VAPA: variants seen among roughly 807,000 people sequenced by gnomAD.
The protein encoded by VAPA is vesicle-associated membrane protein-associated protein A.
A neutral mutation model predicts 25.6 loss-of-function variants in VAPA; 6 were observed. The observed-to-expected ratio is 0.23, with a 90% CI of 0.13 to 0.46. The LOEUF (loss-of-function observed/expected upper bound fraction) is 0.46, where lower values mean the gene tolerates loss of function less well. VAPA is among the 20% of genes least tolerant of loss of function. The probability of loss-of-function intolerance (pLI) is 0.99; values close to 1 mark genes in which losing one functional copy is unlikely to be tolerated. For synonymous variants in VAPA, 112 were observed against 106.2 expected, an observed-to-expected ratio of 1.05 and a Z score of -0.34; for missense variants, 244 against 302.1, an observed-to-expected ratio of 0.81 and a Z score of 1.43.
At chr18:9,949,319 C>A (rs1211613105) in intron 4 of VAPA, 1 of 152,150 alleles carries the variant, frequency 6.6e-6, no homozygotes, top group Non-Finnish European at 1.5e-5. Flanking sequence ...TGCTGTTGTT[C>A]ATTAGAACCT....
At chr18:9,924,457 A>G (rs1295637441) in intron 1 of VAPA, among the ~76,000 whole-genome samples, 1 of 152,128 alleles carries the variant, frequency 6.6e-6, no homozygotes, top group Non-Finnish European at 1.5e-5. Context: ...TTGGTATGAA[A>G]TGTTGCAAAT....
chr18:9,950,838 T>C, intron 5 of VAPA: 1 of 379,946 alleles, frequency 2.6e-6, no homozygotes, highest in East Asian at 5.7e-5. Context: ...CTCATGTCCT[T>C]CCCATTTTGT....
rs1331304204 is a variant in VAPA at position 9,955,999 on chromosome 18, T to C, written c.*1788T>C. On this transcript the variant is annotated 3_prime_UTR_variant, in exon 6 of 6. Coordinates refer to ENST00000400000, the MANE Select transcript of VAPA (RefSeq NM_194434.3). ...GTAATTCCTTGGCTTAAAGCTCTTATATAATCAATATTATTGGTGGTAAAT... is the reference window on the plus strand; with the variant it reads ...GTAATTCCTTGGCTTAAAGCTCTTACATAATCAATATTATTGGTGGTAAAT... 2.6e-5 allele frequency: 4 copies of C among 152,252 alleles called. No homozygotes were observed. The highest frequency in any genetic ancestry group is 2.1e-4 in the South Asian group (1 of 4,832). The allele number at this position is 152,252 out of a possible 1,614,324, so 9.4% of individuals were successfully genotyped here.
chr18:9,950,668 G>C, intron 5 of VAPA, 100 bp downstream of exon 5: 1 of 1,329,680 alleles, frequency 7.5e-7, no homozygotes, highest in East Asian at 2.5e-5. Flanking sequence ...ATTTTTGCTT[G>C]GTCAGTTCTT....
At position 9,914,216 on chromosome 18, in the gene VAPA, C is replaced by A. The variant is rs756948473; in HGVS notation, c.-41C>A. 1.3e-6 allele frequency: 2 copies of A among 1,548,126 alleles called. No individual in the cohort carries two copies. Among genetic ancestry groups the A allele is most frequent in the Admixed American group, 1.9e-5 (1 of 53,626 alleles). ...TCGTCCCCCGCCCCCAGTCAGCAAACCGCCGCCGCGGGCGCGCCCCCGCTC... is the reference window on the plus strand; with the variant it reads ...TCGTCCCCCGCCCCCAGTCAGCAAAACGCCGCCGCGGGCGCGCCCCCGCTC... On this transcript the variant is annotated 5_prime_UTR_variant, in exon 1 of 6. Transcript: ENST00000400000.
At chr18:9,917,751 C>G (rs759232393) in intron 1 of VAPA, among the ~76,000 whole-genome samples, 5 of 151,944 alleles carry the variant, frequency 3.3e-5, no homozygotes, top group Admixed American at 6.6e-5. Context: ...TCTGAGGGAT[C>G]GAGGGACGTA....
At position 9,914,229 on chromosome 18, in the gene VAPA, C is replaced by G. The variant is rs1242738687; in HGVS notation, c.-28C>G. The G allele has an allele frequency of 6.4e-7, 1 of 1,563,150 alleles. No homozygotes were observed. The highest frequency in any genetic ancestry group is 2.6e-5 in the East Asian group (1 of 38,186). On this transcript the variant is annotated 5_prime_UTR_variant, in exon 1 of 6. Transcript: ENST00000400000. ...CCAGTCAGCAAACCGCCGCCGCGGG[C>G]GCGCCCCCGCTCTGCGCTGTCTCTC...
chr18:9,934,062 G>A (rs2069283696), intron 2 of VAPA, among the ~76,000 whole-genome samples: 1 of 152,124 alleles, frequency 6.6e-6, no homozygotes, highest in Non-Finnish European at 1.5e-5. Flanking sequence ...TACTGATTAC[G>A]CAAACATGCC....
chr18:9,935,090 G>A (rs1482939070), intron 2 of VAPA, among the ~76,000 whole-genome samples: 3 of 111,902 alleles, frequency 2.7e-5, no homozygotes, highest in African/African-American at 1.0e-4. Context: ...GCAAGACTCC[G>A]TCTCAAAAAA....
chr18:9,953,641 A>G (rs1290104378), intron 5 of VAPA, among the ~76,000 whole-genome samples: 2 of 152,144 alleles, frequency 1.3e-5, no homozygotes, highest in African/African-American at 2.4e-5. Flanking sequence ...GATGTAACTG[A>G]TTTTAAATAC....
intron 1 of VAPA, chr18:9,914,563 G>C: frequency 4.7e-6 from 1 of 213,268 alleles, no homozygotes; most frequent in Non-Finnish European, 9.1e-6. Flanking sequence ...CGGTGCGCGC[G>C]CCGGCCGGGG....
At position 9,914,241 on chromosome 18, in the gene VAPA, C is replaced by T. The variant is rs573723992; in HGVS notation, c.-16C>T. The T allele has an allele frequency of 6.3e-6, 10 of 1,575,570 alleles. No homozygotes were observed. In the South Asian group the frequency reaches 6.9e-5, roughly 11 times the overall value. On this transcript the variant is annotated 5_prime_UTR_variant, in exon 1 of 6. Coordinates refer to ENST00000400000, the MANE Select transcript of VAPA (RefSeq NM_194434.3). ...CCGCCGCCGCGGGCGCGCCCCCGCT[C>T]TGCGCTGTCTCTCCGATGGCGTCCG... is the stretch of plus-strand genomic sequence containing the variant.
intron 4 of VAPA, among the ~76,000 whole-genome samples, chr18:9,937,289 G>C (rs1368510012): frequency 6.9e-6 from 1 of 144,070 alleles, no homozygotes; most frequent in African/African-American, 2.6e-5. Context: ...TTTAGGTCAA[G>C]ACTGCATCCT....
intron 1 of VAPA, among the ~76,000 whole-genome samples, chr18:9,922,121 T>C (rs2069161856): frequency 6.6e-6 from 1 of 152,074 alleles, no homozygotes. Context: ...CATGCCACTG[T>C]GCCCAGCTAA....
intron 2 of VAPA, among the ~76,000 whole-genome samples, chr18:9,932,259 T>C (rs2069262960): frequency 6.6e-6 from 1 of 152,218 alleles, no homozygotes; most frequent in Non-Finnish European, 1.5e-5. Context: ...TTTGAAAAAT[T>C]ATATCATTTT....
At chr18:9,931,469 G>C (rs1452024640) in intron 1 of VAPA, among the ~76,000 whole-genome samples, 1 of 152,162 alleles carries the variant, frequency 6.6e-6, no homozygotes, top group African/African-American at 2.4e-5. Flanking sequence ...CTGGTTTGCA[G>C]ACAACTGGGA....
At chr18:9,947,830 C>T (rs1010024973) in intron 4 of VAPA, 4 of 152,166 alleles carry the variant, frequency 2.6e-5, no homozygotes, top group South Asian at 2.1e-4. Flanking sequence ...CCATCAGGCT[C>T]TTCAGATTGT....
chr18:9,943,840 C>CGTTTT (rs1281083775), intron 4 of VAPA, among the ~76,000 whole-genome samples: 1 of 90,446 alleles, frequency 1.1e-5, no homozygotes, highest in African/African-American at 3.7e-5. Context: ...GACATATTTC[C>CGTTTT]CTTTTTTTTT....
intron 4 of VAPA, among the ~76,000 whole-genome samples, chr18:9,939,173 CTTTT>C (rs748625580): frequency 7.3e-6 from 1 of 137,874 alleles, no homozygotes; most frequent in Non-Finnish European, 1.6e-5. Flanking sequence ...AATAGTTCTT[CTTTT>C]TTTTTTTTTT....
Sources: gnomAD v4.1 joint callset for allele counts (sites outside exome capture counted in the v4.1 genomes callset) on GRCh38, gnomAD v4.1.1 for gene constraint, MANE v1.5 for transcripts, NCBI Gene and HGNC (gene_info 2026-07-23, HGNC 2026-07-21) for gene names.